The following MEGF8 variants were observed in gnomAD, a reference collection of about 807,000 sequenced individuals.
MEGF8 encodes the protein multiple EGF like domains 8.
Under a neutral mutation model 302.9 loss-of-function variants are expected in MEGF8, and 156 were observed. The observed-to-expected ratio is 0.52, with a 90% CI of 0.45 to 0.59. The LOEUF (loss-of-function observed/expected upper bound fraction) is 0.59. MEGF8 is among the 20% of genes least tolerant of loss of function. MEGF8 has a pLI of 0.00. For missense variants in MEGF8, 3,345 were observed against 3,964.5 expected (o/e 0.84, Z 4.20); for synonymous variants, 1,621 against 1,660.5 (o/e 0.98, Z 0.58).
chr19:42,356,524 C>CA lies in MEGF8; in HGVS notation c.4622+72dup. The CA allele has an allele frequency of 8.2e-7, 1 of 1,226,158 alleles. No homozygotes were observed. The highest frequency in any genetic ancestry group is 2.5e-5 in the East Asian group (1 of 39,642). 76.0% of individuals were successfully genotyped at this position (1,226,158 alleles called of 1,614,324 possible). On this transcript the variant is annotated intron_variant, in intron 26 of 41. Coordinates refer to ENST00000251268, the MANE Select transcript of MEGF8 (RefSeq NM_001271938.2). The surrounding 1 kb of genome is among the most constrained non-coding windows in gnomAD (Gnocchi z 5.2). Reference sequence around the variant, plus strand: ...CACCTCGGGATGCTAAGAGTCACCTCAGAGGAGTGCAGAAAAGCCTCTAAG... The same window carrying CA: ...CACCTCGGGATGCTAAGAGTCACCTCAAGAGGAGTGCAGAAAAGCCTCTAAG...
In MEGF8 at chr19:42,351,289, G is replaced by A. The variant is rs980600086; in HGVS notation, c.2810G>A (p.Arg937Gln). 2.2e-5 allele frequency: 35 copies of A among 1,569,116 alleles called. No homozygotes were observed. The highest frequency in any genetic ancestry group is 2.7e-5 in the Non-Finnish European group (31 of 1,156,838). Residue 937 changes from arginine (R) to glutamine (Q), a missense_variant, in exon 16 of 42, where the codon CGG becomes CAG. Arg to Gln is a conservative substitution (Grantham distance 43). Transcript: ENST00000251268. The surrounding 1 kb of genome is among the most constrained non-coding windows in gnomAD (Gnocchi z 5.6). Reference sequence around the variant, plus strand: ...GCATGCAGCCGGCGGGGCCGGGGTCGGGGTGCCCTGAAGAGTCCAGAGGAG... The same window carrying A: ...GCATGCAGCCGGCGGGGCCGGGGTCAGGGTGCCCTGAAGAGTCCAGAGGAG... ...DAACSRRGRG[R>Q]GALKSPEECP...
At position 42,352,129 on chromosome 19, in the gene MEGF8, CCT is replaced by C; in HGVS notation, c.3102-73_3102-72del. ...GCATCCCTCTCCTTCCAATTGGCCT[CCT>C]CTCTCCCTGTCATTGTTTCTATGTA... is the stretch of plus-strand genomic sequence containing the variant. On this transcript the variant is annotated intron_variant, in intron 18 of 41. Coordinates refer to ENST00000251268, the MANE Select transcript of MEGF8 (RefSeq NM_001271938.2). This position sits in a 1 kb window ranked among gnomAD's most constrained non-coding sequence, Gnocchi z 4.4. The C allele has an allele frequency of 7.0e-7, 1 of 1,434,158 alleles. No individual in the cohort carries two copies. The allele number at this position is 1,434,158 out of a possible 1,614,324, so 88.8% of individuals were successfully genotyped here.
chr19:42,361,679 A>T (rs747784846), intron 32 of MEGF8, among the ~76,000 whole-genome samples: 6 of 152,148 alleles, frequency 3.9e-5, no homozygotes, highest in Non-Finnish European at 7.4e-5. Context: ...CCTGTGCAGG[A>T]CAGGGAGCCA....
At position 42,333,992 on chromosome 19, in the gene MEGF8, A is replaced by C. The variant is rs780707902; in HGVS notation, c.352-15A>C. The C allele has an allele frequency of 1.2e-6, 2 of 1,610,450 alleles. No individual in the cohort carries two copies. The highest frequency in any genetic ancestry group is 3.4e-5 in the Admixed American group (2 of 59,486). ...AGGCCCTGCCCACCTTACCCAGCAC[A>C]CCTTGTGCCCGCAGATGCTGCTGCA... On this transcript the variant is annotated splice_polypyrimidine_tract_variant and intron_variant, in intron 2 of 41. Transcript: ENST00000251268.
chr19:42,326,444 C>T lies in MEGF8; in HGVS notation c.187+14C>T. ...GGCTCATCGAGGGTGAGTGGGGCCG[C>T]GTGGGTCACTCACTAATTCGCTGGT... On this transcript the variant is annotated intron_variant, in intron 1 of 41. Transcript: ENST00000251268. 1 of 1,518,982 alleles carries T rather than the reference C, an allele frequency of 6.6e-7. No homozygotes were observed. The highest frequency in any genetic ancestry group is 8.8e-7 in the Non-Finnish European group (1 of 1,140,282). The allele number at this position is 1,518,982 out of a possible 1,614,324, so 94.1% of individuals were successfully genotyped here. A position where few individuals can be genotyped will look rare whatever the true frequency, so the allele number is the denominator to read the frequency against.
rs954685038 is a variant in MEGF8, at chr19:42,353,030, C to A, written c.3453C>A (p.Ala1151=). ...WTSDLPPPTP[A]PGPPAPRCSR... ...CAGACCTGCCCCCTCCCACACCCGC[C>A]CCGGGTCCGCCAGCCCCCCGCTGCT... The change falls in exon 20 of 42, where the codon GCC becomes GCA. Residue 1151 remains alanine (A), a synonymous_variant. Transcript: ENST00000251268. The surrounding 1 kb of genome is among the most constrained non-coding windows in gnomAD (Gnocchi z 6.1). The A allele has an allele frequency of 6.4e-7, 1 of 1,556,342 alleles. No homozygotes were observed. The highest frequency in any genetic ancestry group is 2.4e-5 in the East Asian group (1 of 41,212).
In MEGF8 at chr19:42,377,637, A is replaced by G. The variant is rs1040774478; in HGVS notation, c.*862A>G. 1 of 152,202 alleles carries G rather than the reference A, an allele frequency of 6.6e-6. No individual in the cohort carries two copies. The highest frequency in any genetic ancestry group is 1.5e-5 in the Non-Finnish European group (1 of 68,104). The allele number at this position is 152,202 out of a possible 1,614,324, so 9.4% of individuals were successfully genotyped here. A position where few individuals can be genotyped will look rare whatever the true frequency, so the allele number is the denominator to read the frequency against. The stretch of plus-strand genomic sequence containing the variant: ...CCCCATGTCTACTAAAAATACAAAA[A>G]TTAGCTGGGCATGGTGGCACACACT... On this transcript the variant is annotated 3_prime_UTR_variant, in exon 42 of 42. Coordinates refer to ENST00000251268, the MANE Select transcript of MEGF8 (RefSeq NM_001271938.2).
In MEGF8 at chr19:42,326,235, G is replaced by T; in HGVS notation, c.-9G>T. ...GTCCCCGCTCTAAGGGTCAGTGCAGGAGGCGGCGATGGCCCTGGGCAAGGT... is the reference window on the plus strand; with the variant it reads ...GTCCCCGCTCTAAGGGTCAGTGCAGTAGGCGGCGATGGCCCTGGGCAAGGT... On this transcript the variant is annotated 5_prime_UTR_variant, in exon 1 of 42. Transcript: ENST00000251268. The T allele has an allele frequency of 6.6e-7, 1 of 1,524,164 alleles. No homozygotes were observed. The highest frequency in any genetic ancestry group is 2.6e-5 in the East Asian group (1 of 38,872). The allele number at this position is 1,524,164 out of a possible 1,614,324, so 94.4% of individuals were successfully genotyped here.
In MEGF8 at chr19:42,377,320, A is replaced by G. The variant is rs1455597492; in HGVS notation, c.*545A>G. ...CTTGTTTTATTGGAAGGACCAGAAA[A>G]CTGGTAAGTGTGACCCAGATCAAGT... On this transcript the variant is annotated 3_prime_UTR_variant, in exon 42 of 42. Coordinates refer to ENST00000251268, the MANE Select transcript of MEGF8 (RefSeq NM_001271938.2). 6.5e-6 allele frequency: 1 copy of G among 153,108 alleles called. No homozygotes were observed. Among genetic ancestry groups the G allele is most frequent in the African/African-American group, 2.4e-5 (1 of 41,466 alleles). The allele number at this position is 153,108 out of a possible 1,614,324, so 9.5% of individuals were successfully genotyped here.
intron 8 of MEGF8, among the ~76,000 whole-genome samples, 171 bp downstream of exon 8, chr19:42,337,377 A>G (rs1305174679): frequency 1.3e-5 from 2 of 152,170 alleles, no homozygotes; most frequent in East Asian, 3.9e-4. Flanking sequence ...CATCGTCACC[A>G]TGGAGATGGG....
At chr19:42,373,202 C>T (rs558223047) in intron 41 of MEGF8, among the ~76,000 whole-genome samples, 85 of 152,066 alleles carry the variant, frequency 5.6e-4, no homozygotes, top group African/African-American at 2.0e-3. Flanking sequence ...AAGCGATTCT[C>T]CTGCCTCAGC....
intron 35 of MEGF8, among the ~76,000 whole-genome samples, chr19:42,367,068 A>C (rs1351161083): frequency 1.3e-5 from 2 of 152,048 alleles, no homozygotes; most frequent in African/African-American, 2.4e-5. Flanking sequence ...CTTATTCTTC[A>C]CTTATGGCCC....
rs758684436 is a variant in MEGF8 at position 42,344,560 on chromosome 19, C to T, written c.1908C>T (p.His636=). 2 of 1,598,510 alleles carry T rather than the reference C, an allele frequency of 1.3e-6. No individual in the cohort carries two copies. Among genetic ancestry groups the T allele is most frequent in the Non-Finnish European group, 8.5e-7 (1 of 1,176,962 alleles). The change falls in exon 11 of 42, where the codon CAC becomes CAT. Residue 636 remains histidine (H), a synonymous_variant. Transcript: ENST00000251268. This position sits in a 1 kb window ranked among gnomAD's most constrained non-coding sequence, Gnocchi z 4.5. ...CTGGCACCCTGGGCTGGTGCGTGCACAATGAGAGCTGCCTCCCTAGGCCTG... is the reference window on the plus strand; with the variant it reads ...CTGGCACCCTGGGCTGGTGCGTGCATAATGAGAGCTGCCTCCCTAGGCCTG... ...RGPGTLGWCV[H]NESCLPRPEQ... is the part of the protein sequence containing the mutation.
Position 42,343,520 on chromosome 19 carries a change from G to A in MEGF8, c.1557G>A (p.Ala519=). The change falls in exon 9 of 42, where the codon GCG becomes GCA. Residue 519 remains alanine (A), a synonymous_variant. Transcript: ENST00000251268. ...PPSGRYSHVA[A]VLGGSVLLVA... ...GTGGTCGGTACTCACATGTAGCTGC[G>A]GTGCTTGGTGGCAGCGTCCTGTTGG... The A allele has an allele frequency of 2.5e-6, 4 of 1,613,326 alleles. No individual in the cohort carries two copies. Among genetic ancestry groups the A allele is most frequent in the South Asian group, 1.1e-5 (1 of 91,014 alleles).
intron 2 of MEGF8, 32 bp from the exon 3 acceptor site, chr19:42,333,975 C>T (rs375164256): frequency 6.3e-7 from 1 of 1,597,822 alleles, no homozygotes; most frequent in South Asian, 1.1e-5. Flanking sequence ...CCAGGCCCTG[C>T]CCACCTTACC....
intron 3 of MEGF8, 143 bp from the exon 4 acceptor site, chr19:42,334,892 C>T: frequency 2.5e-6 from 2 of 788,042 alleles, no homozygotes. Context: ...CTTTTCCATC[C>T]TCTCCCTTCC....
rs1401628613 is a variant in MEGF8, at chr19:42,355,798, C to A, written c.4185C>A (p.Ser1395=). 1 of 1,580,488 alleles carries A rather than the reference C, an allele frequency of 6.3e-7. No individual in the cohort carries two copies. The highest frequency in any genetic ancestry group is 2.3e-5 in the East Asian group (1 of 43,366). ...VLHWEANGSS[S]WGFNASVGSA... Reference sequence around the variant, plus strand: ...ACTGGGAGGCCAATGGCTCCTCATCCTGGGGCTTCAATGCTTCGGTGGGCT... The same window carrying A: ...ACTGGGAGGCCAATGGCTCCTCATCATGGGGCTTCAATGCTTCGGTGGGCT... The change falls in exon 24 of 42, where the codon TCC becomes TCA. Residue 1395 remains serine (S), a synonymous_variant. Coordinates refer to ENST00000251268, the MANE Select transcript of MEGF8 (RefSeq NM_001271938.2).
intron 13 of MEGF8, among the ~76,000 whole-genome samples, 153 bp downstream of exon 13, chr19:42,348,625 A>G (rs2039324453): frequency 6.6e-6 from 1 of 152,136 alleles, no homozygotes; most frequent in African/African-American, 2.4e-5. Flanking sequence ...TGTAAGACAG[A>G]GTCTCACTCT....
Position 42,359,141 on chromosome 19 carries a change from C to A in MEGF8, c.5387C>A (p.Thr1796Asn). The stretch of plus-strand genomic sequence containing the variant: ...CACGCCTCAGCCCTGTTAGGGGACA[C>A]CATGGTGGTTCTTGGGGGGCGCTCG... ...LFHASALLGD[T>N]MVVLGGRSDP... is the part of the protein sequence containing the mutation. Residue 1796 changes from threonine to asparagine, a missense_variant, in exon 31 of 42, where the codon ACC becomes AAC. By Grantham distance (65) the Thr-to-Asn change is moderately conservative (BLOSUM62 0). Coordinates refer to ENST00000251268, the MANE Select transcript of MEGF8 (RefSeq NM_001271938.2). The A allele has an allele frequency of 6.3e-7, 1 of 1,592,150 alleles. No individual in the cohort carries two copies. Among genetic ancestry groups the A allele is most frequent in the Non-Finnish European group, 8.5e-7 (1 of 1,170,084 alleles).
Sources: allele counts gnomAD v4.1 joint callset (sites outside exome capture counted in the v4.1 genomes callset), GRCh38; gene constraint gnomAD v4.1.1; non-coding constraint Gnocchi (gnomAD v3.1); transcripts MANE v1.5; gene names NCBI Gene and HGNC (gene_info 2026-07-23, HGNC 2026-07-21).